Variants in CERS6 observed in about 807,000 individuals in gnomAD.
The protein encoded by CERS6 is LAG1 homolog, ceramide synthase 6.
A neutral mutation model predicts 56.8 loss-of-function variants in CERS6; 26 were observed. The ratio of observed to expected loss-of-function variants is 0.46; its 90% CI spans 0.34 to 0.63. The LOEUF is 0.63. Among genes scored for constraint, CERS6 ranks in the 30% least tolerant of loss-of-function variants. The pLI is 0.01. For synonymous variants in CERS6, 164 were observed against 173.3 expected (o/e 0.95, Z 0.42); for missense variants, 415 against 467.5 (o/e 0.89, Z 1.04).
intron 8 of CERS6, among the ~76,000 whole-genome samples, chr2:168,728,261 A>AT (rs1683407100): frequency 6.6e-6 from 1 of 152,128 alleles, no homozygotes; most frequent in Non-Finnish European, 1.5e-5. Context: ...TGGCTAAGCC[A>AT]TTAAACATTA....
intron 8 of CERS6, among the ~76,000 whole-genome samples, chr2:168,745,834 C>T (rs748843964): frequency 3.3e-5 from 5 of 152,324 alleles, no homozygotes; most frequent in Non-Finnish European, 7.3e-5. Context: ...GGCAGCCCCT[C>T]TCTTTCTCTT....
At chr2:168,568,162 A>G (rs1308924609) in intron 3 of CERS6, among the ~76,000 whole-genome samples, 4 of 152,220 alleles carry the variant, frequency 2.6e-5, no homozygotes, top group African/African-American at 9.6e-5. Flanking sequence ...GGCTGGCTGC[A>G]CATTAGCTAC....
intron 4 of CERS6, among the ~76,000 whole-genome samples, chr2:168,676,140 T>TAA (rs1204755986): frequency 6.6e-6 from 1 of 152,226 alleles, no homozygotes; most frequent in African/African-American, 2.4e-5. Context: ...TACCTGGACT[T>TAA]AAAGATATGT....
At chr2:168,636,119 C>T (rs534485416) in intron 4 of CERS6, among the ~76,000 whole-genome samples, 3 of 152,064 alleles carry the variant, frequency 2.0e-5, no homozygotes, top group Admixed American at 6.6e-5. Context: ...CCATGAAATA[C>T]TTCTATAAGA....
intron 1 of CERS6, among the ~76,000 whole-genome samples, chr2:168,503,981 G>A (rs868480515): frequency 6.6e-6 from 1 of 152,186 alleles, no homozygotes. Flanking sequence ...GCCTAAAGGG[G>A]TTAATGTGTG....
chr2:168,628,573 C>T (rs1684642622), intron 3 of CERS6, among the ~76,000 whole-genome samples: 1 of 152,204 alleles, frequency 6.6e-6, no homozygotes, highest in African/African-American at 2.4e-5. Flanking sequence ...ACATCTCCTT[C>T]TTCCCAGTTG....
intron 7 of CERS6, among the ~76,000 whole-genome samples, 170 bp from the exon 8 acceptor site, chr2:168,717,702 A>C (rs1294261934): frequency 6.6e-6 from 1 of 152,200 alleles, no homozygotes; most frequent in Non-Finnish European, 1.5e-5. Flanking sequence ...GTAATTTATA[A>C]ATACTGGTGC....
intron 1 of CERS6, among the ~76,000 whole-genome samples, chr2:168,517,593 C>T (rs1022877228): frequency 2.0e-5 from 3 of 151,884 alleles, no homozygotes; most frequent in African/African-American, 7.2e-5. Flanking sequence ...CTAAAGCTGT[C>T]TCTACTGTTT....
intron 4 of CERS6, among the ~76,000 whole-genome samples, chr2:168,634,849 T>A (rs960637817): frequency 6.6e-6 from 1 of 152,136 alleles, no homozygotes; most frequent in Non-Finnish European, 1.5e-5. Context: ...GAAGTTAATT[T>A]TAGGAGTGAC....
chr2:168,694,949 T>G lies in CERS6; in HGVS notation c.517-10T>G, dbSNP rs1686605284. Reference sequence around the variant, plus strand: ...CTACTAATCATTCCTTTTTTTTCTTTCACCTTCAGCCACTCACAACTGACC... The same window carrying G: ...CTACTAATCATTCCTTTTTTTTCTTGCACCTTCAGCCACTCACAACTGACC... On this transcript the variant is annotated splice_polypyrimidine_tract_variant and intron_variant, in intron 5 of 9. Coordinates refer to ENST00000305747, the MANE Select transcript of CERS6 (RefSeq NM_203463.3). The G allele has an allele frequency of 6.2e-7, 1 of 1,608,860 alleles. No individual in the cohort carries two copies. The highest frequency in any genetic ancestry group is 8.5e-7 in the Non-Finnish European group (1 of 1,176,408).
chr2:168,748,411 C>T (rs949159814), intron 8 of CERS6, among the ~76,000 whole-genome samples: 39 of 152,096 alleles, frequency 2.6e-4, no homozygotes, highest in African/African-American at 9.2e-4. Context: ...TTAGATGAAA[C>T]CCCCTGAGAT....
At chr2:168,691,012 T>C in intron 4 of CERS6, 22 bp from the exon 5 acceptor site, 1 of 1,607,700 alleles carries the variant, frequency 6.2e-7, no homozygotes, top group Non-Finnish European at 8.5e-7. Flanking sequence ...ATATGTAAAA[T>C]ATTTTTTGTC....
chr2:168,540,310 A>G (rs1695344004), intron 1 of CERS6, among the ~76,000 whole-genome samples: 1 of 152,140 alleles, frequency 6.6e-6, no homozygotes. Flanking sequence ...TTGTGAAGGA[A>G]ATAGGTTTAA....
chr2:168,700,947 C>T (rs1686790342), intron 6 of CERS6, among the ~76,000 whole-genome samples: 1 of 152,192 alleles, frequency 6.6e-6, no homozygotes, highest in African/African-American at 2.4e-5. Context: ...CAGCCAACCT[C>T]CTCTTTTGTG....
At position 168,669,336 on chromosome 2, in the gene CERS6, C is replaced by T. The variant is rs1685848687; in HGVS notation, c.466-21698C>T. ...TCCAGCTAAGTCATCTCTTGTTAAA[C>T]AGCCTTTATGGACATTCCACACACC... On this transcript the variant is annotated intron_variant, in intron 4 of 9. Transcript: ENST00000305747. Among the ~76,000 whole-genome samples the T allele has an allele frequency of 2.6e-5, 4 of 152,222 alleles. No individual in the cohort carries two copies. The South Asian group carries it at 8.3e-4, about 31-fold the overall frequency.
intron 5 of CERS6, among the ~76,000 whole-genome samples, chr2:168,691,854 A>G (rs913109382): frequency 3.3e-5 from 5 of 152,194 alleles, no homozygotes; most frequent in African/African-American, 7.2e-5. Flanking sequence ...TTTTGTGACA[A>G]CATGAGGAGA....
intron 3 of CERS6, among the ~76,000 whole-genome samples, chr2:168,625,822 A>G (rs1041568058): frequency 1.3e-5 from 2 of 152,156 alleles, no homozygotes; most frequent in African/African-American, 4.8e-5. Context: ...TGTTTTAGCT[A>G]CCCTGGTATT....
chr2:168,620,994 C>T (rs1684458595), intron 3 of CERS6, among the ~76,000 whole-genome samples: 1 of 152,098 alleles, frequency 6.6e-6, no homozygotes, highest in East Asian at 1.9e-4. Flanking sequence ...AACTCCTGGG[C>T]TCAAGCAGTC....
intron 8 of CERS6, among the ~76,000 whole-genome samples, chr2:168,744,301 C>T (rs902156680): frequency 3.9e-5 from 6 of 152,024 alleles, no homozygotes; most frequent in Admixed American, 2.0e-4. Flanking sequence ...CCACCGTTCC[C>T]GGCCTGTTAC....
Sources: gnomAD v4.1 joint callset for allele counts (sites outside exome capture counted in the v4.1 genomes callset) on GRCh38, gnomAD v4.1.1 for gene constraint, MANE v1.5 for transcripts, NCBI Gene and HGNC (gene_info 2026-07-23, HGNC 2026-07-21) for gene names.